Variants in SAMD5 observed in about 807,000 individuals in gnomAD.
SAMD5 encodes the protein sterile alpha motif domain containing 5, also known as sterile alpha motif domain-containing protein 5.
In SAMD5, 13 loss-of-function variants were observed where a neutral mutation model predicts 11.3. The observed-to-expected ratio is 1.15, with a 90% CI of 0.75 to 1.83. The LOEUF (loss-of-function observed/expected upper bound fraction) is 1.83, where lower values mean the gene tolerates loss of function less well. Ranked by LOEUF, SAMD5 falls within the 40% of genes most tolerant of loss-of-function variation. SAMD5 has a pLI of 0.00. For missense variants in SAMD5, 255 were observed against 239.1 expected (o/e 1.07, Z -0.44); for synonymous variants, 129 against 111.3 (o/e 1.16, Z -1.00).
At chr6:147,546,055 C>T (rs577105365) in intron 1 of SAMD5, among the ~76,000 whole-genome samples, 4 of 152,142 alleles carry the variant, frequency 2.6e-5, no homozygotes, top group Admixed American at 2.6e-4. Context: ...CTCCAACCCC[C>T]AAATTCGAAA....
At chr6:147,857,866 C>T in the SAMD5 span, among the ~76,000 whole-genome samples, 1 of 152,206 alleles carries the variant, frequency 6.6e-6, no homozygotes, top group African/African-American at 2.4e-5. Flanking sequence ...ACTGCCCTTA[C>T]AGGCAAGCCC....
At chr6:147,740,579 T>A (rs1387231258), downstream of SAMD5, among the ~76,000 whole-genome samples, 1 of 152,168 alleles carries the variant, frequency 6.6e-6, no homozygotes, top group Non-Finnish European at 1.5e-5. Context: ...CATTTTTGGA[T>A]CACAGATCAC....
chr6:147,728,293 G>T (rs542077788), intron 1 of SAMD5, among the ~76,000 whole-genome samples: 2 of 152,092 alleles, frequency 1.3e-5, no homozygotes, highest in African/African-American at 2.4e-5. Flanking sequence ...TCTTGTATGC[G>T]TGTAATCCCA....
chr6:147,895,670 A>G, the SAMD5 span, among the ~76,000 whole-genome samples: 1 of 152,226 alleles, frequency 6.6e-6, no homozygotes, highest in Non-Finnish European at 1.5e-5. Flanking sequence ...TGCCAATCAT[A>G]TACCTCCAAA....
At chr6:147,852,030 T>C in the SAMD5 span, among the ~76,000 whole-genome samples, 1 of 152,192 alleles carries the variant, frequency 6.6e-6, no homozygotes, top group Non-Finnish European at 1.5e-5. Flanking sequence ...AATACAATTA[T>C]TAGTCAAATA....
At chr6:147,551,812 T>TTATATATATATA (rs10691979) in intron 1 of SAMD5, among the ~76,000 whole-genome samples, 4,743 of 98,534 alleles carry the variant, frequency 0.048, 80 homozygotes, top group Middle Eastern at 0.059. Flanking sequence ...TATATATATG[T>TTATATATATATA]TATATATATA....
chr6:147,734,284 C>A (rs1206957695), intron 1 of SAMD5, among the ~76,000 whole-genome samples: 1 of 152,178 alleles, frequency 6.6e-6, no homozygotes, highest in African/African-American at 2.4e-5. Flanking sequence ...ATTCAGATTC[C>A]TGTAAAGTCT....
intron 1 of SAMD5, among the ~76,000 whole-genome samples, chr6:147,725,728 G>A (rs1308078385): frequency 2.6e-5 from 4 of 152,096 alleles, no homozygotes; most frequent in South Asian, 4.1e-4. Context: ...GAATATTGAA[G>A]TGGCTGTTGT....
chr6:147,565,797 A>T lies in SAMD5; in HGVS notation c.*1341A>T, dbSNP rs1041939060. ...GTTTTATTTTCTGCTTAGAAAACGCAACCATGTTGATGGGACCAAAAACTT... is the reference window on the plus strand; with the variant it reads ...GTTTTATTTTCTGCTTAGAAAACGCTACCATGTTGATGGGACCAAAAACTT... On this transcript the variant is annotated 3_prime_UTR_variant, in exon 2 of 2. Coordinates refer to ENST00000367474, the MANE Select transcript of SAMD5 (RefSeq NM_001030060.3). 2 of 985,220 alleles carry T rather than the reference A, an allele frequency of 2.0e-6. No individual in the cohort carries two copies. The highest frequency in any genetic ancestry group is 3.5e-5 in the African/African-American group (2 of 57,186). The allele number at this position is 985,220 out of a possible 1,614,324, so 61.0% of individuals were successfully genotyped here. A position where few individuals can be genotyped will look rare whatever the true frequency, so the allele number is the denominator to read the frequency against.
intron 1 of SAMD5, among the ~76,000 whole-genome samples, chr6:147,510,767 A>G (rs902707890): frequency 1.3e-5 from 2 of 152,186 alleles, no homozygotes; most frequent in African/African-American, 4.8e-5. Flanking sequence ...TTTAAGGAGG[A>G]TACAAAGAAG....
the SAMD5 span, among the ~76,000 whole-genome samples, chr6:147,839,063 G>A: frequency 1.3e-5 from 2 of 152,188 alleles, no homozygotes; most frequent in Non-Finnish European, 2.9e-5. Flanking sequence ...CAGTCTCTGA[G>A]ATACCATCCA....
the SAMD5 span, among the ~76,000 whole-genome samples, chr6:147,816,530 A>T: frequency 6.6e-6 from 1 of 151,516 alleles, no homozygotes; most frequent in Non-Finnish European, 1.5e-5. Flanking sequence ...TCACATACAA[A>T]AGGCAGGCAG....
At chr6:147,613,076 C>T (rs373533312) in intron 1 of SAMD5, among the ~76,000 whole-genome samples, 2 of 150,870 alleles carry the variant, frequency 1.3e-5, no homozygotes, top group East Asian at 2.0e-4. Context: ...TGGCATGCGC[C>T]CATAGTCCCA....
the SAMD5 span, among the ~76,000 whole-genome samples, chr6:147,801,890 T>G: frequency 6.6e-6 from 1 of 152,174 alleles, no homozygotes; most frequent in Non-Finnish European, 1.5e-5. Context: ...TGACCCCTAT[T>G]TCACACTGTA....
At chr6:147,603,688 T>C (rs1436513682) in intron 1 of SAMD5, among the ~76,000 whole-genome samples, 1 of 152,142 alleles carries the variant, frequency 6.6e-6, no homozygotes, top group Non-Finnish European at 1.5e-5. Context: ...CCCAATTTCC[T>C]CACCAATACC....
the SAMD5 span, among the ~76,000 whole-genome samples, chr6:147,816,280 CCAAA>C: frequency 3.1e-4 from 4 of 12,730 alleles, no homozygotes; most frequent in African/African-American, 4.4e-4. Context: ...AACTCCGTCT[CCAAA>C]AAAAAAAAAA....
chr6:147,633,972 C>A (rs2128451589), intron 1 of SAMD5, among the ~76,000 whole-genome samples: 1 of 152,220 alleles, frequency 6.6e-6, no homozygotes, highest in Non-Finnish European at 1.5e-5. Flanking sequence ...CTTCATTTTT[C>A]TCCAGCTTCA....
In SAMD5 at chr6:147,568,348, A is replaced by C; in HGVS notation, c.*3892A>C. 1 of 985,348 alleles carries C rather than the reference A, an allele frequency of 1.0e-6. No homozygotes were observed. Among genetic ancestry groups the C allele is most frequent in the Non-Finnish European group, 1.2e-6 (1 of 829,842 alleles). The allele number at this position is 985,348 out of a possible 1,614,324, so 61.0% of individuals were successfully genotyped here. On this transcript the variant is annotated 3_prime_UTR_variant, in exon 2 of 2. Transcript: ENST00000367474. ...CAGGTCTCTTGCACAGGGGGTTGAA[A>C]AATAAAAAAAGAAGTTAACATAATT...
chr6:147,856,341 G>A, the SAMD5 span, among the ~76,000 whole-genome samples: 1 of 152,034 alleles, frequency 6.6e-6, no homozygotes, highest in African/African-American at 2.4e-5. Context: ...ATGAAAGTTG[G>A]GGTGACGCAT....
Sources: gnomAD v4.1 joint callset for allele counts (sites outside exome capture counted in the v4.1 genomes callset) on GRCh38, gnomAD v4.1.1 for gene constraint, MANE v1.5 for transcripts, NCBI Gene and HGNC (gene_info 2026-07-23, HGNC 2026-07-21) for gene names.